The following CELF4 variants were observed in gnomAD, a reference collection of about 807,000 sequenced individuals.
The protein encoded by CELF4 is CUG-BP- and ETR-3-like factor 4.
A neutral mutation model predicts 59.9 loss-of-function variants in CELF4; 18 were observed. That is an observed-to-expected ratio of 0.30 (90% CI 0.21 to 0.45). CELF4 has a LOEUF of 0.45. Ranked by LOEUF, CELF4 falls within the 20% of genes least tolerant of loss-of-function variation. CELF4 has a pLI of 1.00. For missense variants in CELF4, 456 were observed against 689.0 expected (o/e 0.66, Z 3.79); for synonymous variants, 261 against 267.1 (o/e 0.98, Z 0.22).
intron 5 of CELF4, 31 bp downstream of exon 5, chr18:37,274,774 C>T: frequency 6.5e-7 from 1 of 1,546,010 alleles, no homozygotes; most frequent in Non-Finnish European, 8.7e-7. Flanking sequence ...CGCCGCTGCC[C>T]TCGCCCCCGC....
intron 1 of CELF4, among the ~76,000 whole-genome samples, chr18:37,563,076 AAATATATGT>A (rs2099987044): frequency 6.6e-6 from 1 of 150,572 alleles, no homozygotes; most frequent in Non-Finnish European, 1.5e-5. Flanking sequence ...TCTATATATA[AAATATATGT>A]AATATATGTA....
At chr18:37,294,634 G>A (rs1157601306) in intron 3 of CELF4, among the ~76,000 whole-genome samples, 2 of 152,210 alleles carry the variant, frequency 1.3e-5, no homozygotes, top group Non-Finnish European at 1.5e-5. Context: ...TCGCCAGCCT[G>A]CTAATTTTTA....
intron 1 of CELF4, among the ~76,000 whole-genome samples, chr18:37,514,626 C>T (rs764851811): frequency 1.3e-5 from 2 of 152,082 alleles, no homozygotes; most frequent in Admixed American, 6.6e-5. Context: ...GAGGCCTGGG[C>T]GGTAAACAAA....
intron 3 of CELF4, among the ~76,000 whole-genome samples, chr18:37,283,272 C>T (rs868063883): frequency 6.6e-6 from 1 of 152,150 alleles, no homozygotes; most frequent in Non-Finnish European, 1.5e-5. Context: ...TGCTGACACC[C>T]ACCAAGCCCC....
chr18:37,279,874 T>C lies in CELF4; in HGVS notation c.449-4631A>G, dbSNP rs149194461. Among the ~76,000 whole-genome samples the C allele has an allele frequency of 2.2e-4, 33 of 152,318 alleles. No individual in the cohort carries two copies. The East Asian group carries it at 6.2e-3, about 29-fold the overall frequency. On this transcript the variant is annotated intron_variant, in intron 3 of 12. Transcript: ENST00000420428. ...CCCAGGATGCACAGGAGGTTGCCCATAGCTGGAGCCTAGACTCAACCCAGC... is the reference window on the plus strand; with the variant it reads ...CCCAGGATGCACAGGAGGTTGCCCACAGCTGGAGCCTAGACTCAACCCAGC...
At chr18:37,380,108 C>A (rs1291974198) in intron 2 of CELF4, among the ~76,000 whole-genome samples, 2 of 152,148 alleles carry the variant, frequency 1.3e-5, no homozygotes, top group African/African-American at 2.4e-5. Flanking sequence ...TTGATTTGAA[C>A]CCAAGGTTGA....
chr18:37,395,944 T>C (rs1193983824), intron 2 of CELF4, among the ~76,000 whole-genome samples: 3 of 152,202 alleles, frequency 2.0e-5, no homozygotes, highest in Non-Finnish European at 4.4e-5. Context: ...ACACCTGCTC[T>C]CTTCTTGCTC....
intron 2 of CELF4, among the ~76,000 whole-genome samples, chr18:37,452,958 G>A (rs1416726854): frequency 6.6e-6 from 1 of 152,086 alleles, no homozygotes. Flanking sequence ...CCATGCAAAA[G>A]TCTCCTCCAG....
At chr18:37,371,792 G>C (rs1328848527) in intron 2 of CELF4, among the ~76,000 whole-genome samples, 1 of 152,168 alleles carries the variant, frequency 6.6e-6, no homozygotes, top group Non-Finnish European at 1.5e-5. Flanking sequence ...CCAGGCCCTG[G>C]GGATGGTATC....
chr18:37,491,352 C>T (rs1275396578), intron 1 of CELF4, among the ~76,000 whole-genome samples: 1 of 152,248 alleles, frequency 6.6e-6, no homozygotes, highest in African/African-American at 2.4e-5. Flanking sequence ...ATACGCTGAA[C>T]ACTTTGGCCG....
intron 2 of CELF4, among the ~76,000 whole-genome samples, chr18:37,411,972 A>G (rs2099466288): frequency 6.6e-6 from 1 of 151,928 alleles, no homozygotes; most frequent in Admixed American, 6.6e-5. Flanking sequence ...CTCCCTATCC[A>G]CCTCTTCCAT....
intron 2 of CELF4, among the ~76,000 whole-genome samples, chr18:37,444,436 G>A (rs779268021): frequency 6.6e-6 from 1 of 152,238 alleles, no homozygotes; most frequent in Non-Finnish European, 1.5e-5. Context: ...TCATCTGTGA[G>A]TCCTTCGGGG....
At chr18:37,349,717 G>A (rs905229376) in intron 2 of CELF4, among the ~76,000 whole-genome samples, 11 of 152,334 alleles carry the variant, frequency 7.2e-5, no homozygotes, top group Admixed American at 5.9e-4. Flanking sequence ...AGAGCTGTGA[G>A]TGACCAAGGA....
At chr18:37,256,094 T>C (rs1015302721) in intron 11 of CELF4, among the ~76,000 whole-genome samples, 1 of 152,220 alleles carries the variant, frequency 6.6e-6, no homozygotes, top group Non-Finnish European at 1.5e-5. Flanking sequence ...GGCAGGGCTC[T>C]GGGCACTGTC....
chr18:37,470,211 C>A (rs2154602534), intron 2 of CELF4, among the ~76,000 whole-genome samples: 1 of 152,282 alleles, frequency 6.6e-6, no homozygotes, highest in African/African-American at 2.4e-5. Context: ...GGCAAATAAG[C>A]AGTGTAGACG....
intron 1 of CELF4, among the ~76,000 whole-genome samples, chr18:37,544,152 CTTTT>C (rs5824075): frequency 6.2e-4 from 86 of 137,964 alleles, no homozygotes; most frequent in East Asian, 1.9e-3. Flanking sequence ...CTTTTACTTC[CTTTT>C]TTTTTTTTTT....
intron 1 of CELF4, among the ~76,000 whole-genome samples, chr18:37,515,051 G>A (rs533562511): frequency 5.3e-5 from 8 of 152,078 alleles, no homozygotes; most frequent in Non-Finnish European, 8.8e-5. Context: ...TGGAAGAAGC[G>A]GGCTCTCCAG....
chr18:37,447,146 C>A (rs1309562004), intron 2 of CELF4, among the ~76,000 whole-genome samples: 1 of 152,120 alleles, frequency 6.6e-6, no homozygotes, highest in Non-Finnish European at 1.5e-5. Flanking sequence ...ATTGTGAGGC[C>A]AATGAAATGC....
intron 1 of CELF4, among the ~76,000 whole-genome samples, chr18:37,490,039 T>G (rs961381066): frequency 6.6e-6 from 1 of 152,152 alleles, no homozygotes; most frequent in Admixed American, 6.5e-5. Context: ...AGGACAGGAA[T>G]GCTTTCATTT....
Sources: gnomAD v4.1 joint callset for allele counts (sites outside exome capture counted in the v4.1 genomes callset) on GRCh38, gnomAD v4.1.1 for gene constraint, MANE v1.5 for transcripts, NCBI Gene and HGNC (gene_info 2026-07-23, HGNC 2026-07-21) for gene names.